Variants in ARFGEF2 observed in about 807,000 individuals in gnomAD.
ARFGEF2 encodes the protein ARF guanine nucleotide exchange factor 2.
In ARFGEF2, 74 loss-of-function variants were observed where a neutral mutation model predicts 219.9. That is an observed-to-expected ratio of 0.34 (90% CI 0.28 to 0.41). The LOEUF (loss-of-function observed/expected upper bound fraction) is 0.41, where lower values mean the gene tolerates loss of function less well. Ranked by LOEUF, ARFGEF2 falls within the 10% of genes least tolerant of loss-of-function variation. The probability of loss-of-function intolerance (pLI) is 1.00; values close to 1 mark genes in which losing one functional copy is unlikely to be tolerated. For synonymous variants in ARFGEF2, 733 were observed against 799.2 expected (o/e 0.92, Z 1.40); for missense variants, 1,743 against 2,218.3 (o/e 0.79, Z 4.30).
chr20:48,925,229 G>C (rs2090869520), intron 1 of ARFGEF2, among the ~76,000 whole-genome samples: 1 of 152,178 alleles, frequency 6.6e-6, no homozygotes, highest in African/African-American at 2.4e-5. Context: ...AGCATAAATA[G>C]GGACTGCCCA....
At chr20:48,968,655 C>T (rs888719566) in intron 8 of ARFGEF2, among the ~76,000 whole-genome samples, 2 of 152,192 alleles carry the variant, frequency 1.3e-5, no homozygotes, top group East Asian at 1.9e-4. Flanking sequence ...AGCCATTCAT[C>T]GCACCTGGCT....
intron 8 of ARFGEF2, among the ~76,000 whole-genome samples, chr20:48,968,777 A>G (rs968609476): frequency 6.6e-6 from 1 of 152,106 alleles, no homozygotes; most frequent in Non-Finnish European, 1.5e-5. Flanking sequence ...TAAACCACCC[A>G]TACCAACTCT....
intron 3 of ARFGEF2, among the ~76,000 whole-genome samples, chr20:48,949,381 C>T (rs929369255): frequency 9.8e-5 from 15 of 152,294 alleles, no homozygotes; most frequent in Non-Finnish European, 2.1e-4. Flanking sequence ...TAAGAACAAG[C>T]AATGTCAAAA....
intron 4 of ARFGEF2, 84 bp downstream of exon 4, chr20:48,951,553 T>C: frequency 6.3e-7 from 1 of 1,579,376 alleles, no homozygotes; most frequent in Non-Finnish European, 8.7e-7. Context: ...TACTATGTGT[T>C]AGTTGTCTCA....
intron 26 of ARFGEF2, among the ~76,000 whole-genome samples, chr20:49,008,256 G>T (rs1239101598): frequency 6.6e-6 from 1 of 152,162 alleles, no homozygotes; most frequent in Admixed American, 6.6e-5. Context: ...ATATTGTTTT[G>T]CTGTTAAAAA....
At chr20:49,005,674 C>CT (rs1229595120) in intron 26 of ARFGEF2, among the ~76,000 whole-genome samples, 1 of 140,154 alleles carries the variant, frequency 7.1e-6, no homozygotes, top group Non-Finnish European at 1.5e-5. Context: ...GGAGGCAGAG[C>CT]TTGCAGTGAG....
intron 2 of ARFGEF2, 98 bp from the exon 3 acceptor site, chr20:48,941,766 A>C: frequency 9.6e-6 from 15 of 1,561,778 alleles, no homozygotes; most frequent in Non-Finnish European, 1.2e-5. Flanking sequence ...TATAGTTTGC[A>C]GGCACTTTAA....
Position 49,010,239 on chromosome 20 carries a change from A to G in ARFGEF2, c.3592A>G (p.Thr1198Ala). The G allele has an allele frequency of 6.2e-7, 1 of 1,613,446 alleles. No individual in the cohort carries two copies. The highest frequency in any genetic ancestry group is 1.3e-5 in the African/African-American group (1 of 75,038). The change falls in exon 27 of 39, where the codon ACC (threonine) becomes GCC (alanine). Residue 1198 changes from threonine (T) to alanine (A), a missense_variant. This residue lies in a region of ARFGEF2 where 102 missense variants were observed against 146.8 expected (regional missense o/e 0.69). Coordinates refer to ENST00000371917, the MANE Select transcript of ARFGEF2 (RefSeq NM_006420.3). ...EHIMKKNRSPTIRDMAIRCIA... is the reference protein window; with the variant it reads ...EHIMKKNRSPAIRDMAIRCIA... ...GTCCCATTCTTTCCTCAGGTCTCCC[A>G]CCATCCGGGACATGGCGATCCGCTG... is the stretch of plus-strand genomic sequence containing the variant.
In ARFGEF2 at chr20:48,937,366, T is replaced by G. The variant is rs532535031; in HGVS notation, c.122-3833T>G. ...ATGCCGTTATCATCTGGGCCCCTACTGGGCCTAGTGGAGAAGACTTTTCAA... is the reference window on the plus strand; with the variant it reads ...ATGCCGTTATCATCTGGGCCCCTACGGGGCCTAGTGGAGAAGACTTTTCAA... On this transcript the variant is annotated intron_variant, in intron 1 of 38. Coordinates refer to ENST00000371917, the MANE Select transcript of ARFGEF2 (RefSeq NM_006420.3). 3.9e-5 allele frequency among the ~76,000 whole-genome samples: 6 copies of G among 152,358 alleles called. No individual in the cohort carries two copies. In the East Asian group the frequency reaches 9.6e-4, roughly 24 times the overall value.
intron 37 of ARFGEF2, among the ~76,000 whole-genome samples, chr20:49,029,738 C>T (rs1451756312): frequency 2.0e-5 from 3 of 151,446 alleles, no homozygotes; most frequent in Admixed American, 6.6e-5. Flanking sequence ...ATTACAGGCG[C>T]GTGCCACCAT....
chr20:49,001,697 C>G (rs774562579), intron 25 of ARFGEF2, among the ~76,000 whole-genome samples: 1 of 152,192 alleles, frequency 6.6e-6, no homozygotes, highest in Non-Finnish European at 1.5e-5. Flanking sequence ...GGCCACCCTC[C>G]CCCACACATC....
At chr20:48,929,566 G>A (rs981360053) in intron 1 of ARFGEF2, among the ~76,000 whole-genome samples, 7 of 152,134 alleles carry the variant, frequency 4.6e-5, no homozygotes, top group African/African-American at 1.2e-4. Flanking sequence ...ATAACAACCC[G>A]AGAAGTACTG....
At chr20:48,994,278 GC>G (rs1332593753) in intron 21 of ARFGEF2, among the ~76,000 whole-genome samples, 172 bp from the exon 22 acceptor site, 1 of 152,152 alleles carries the variant, frequency 6.6e-6, no homozygotes, top group Non-Finnish European at 1.5e-5. Flanking sequence ...GGAATCCGCC[GC>G]CCCAGTCAAA....
At position 48,953,679 on chromosome 20, in the gene ARFGEF2, A is replaced by G; in HGVS notation, c.727A>G (p.Thr243Ala). ...GCACAGTCAGGCACAAAGCAAACCAACAACTCCCGAAAAAACAGATTTAAC... is the reference window on the plus strand; with the variant it reads ...GCACAGTCAGGCACAAAGCAAACCAGCAACTCCCGAAAAAACAGATTTAAC... ...LKHSQAQSKP[T>A]TPEKTDLTNG... The change falls in exon 6 of 39, where the codon ACA (threonine) becomes GCA (alanine). Residue 243 changes from threonine (T) to alanine (A), a missense_variant. Thr to Ala is a moderately conservative substitution (Grantham distance 58, BLOSUM62 0). Around this residue, in one of 5 missense-constraint regions of ARFGEF2, gnomAD observed 394 missense variants for 426.6 expected, o/e 0.92. Coordinates refer to ENST00000371917, the MANE Select transcript of ARFGEF2 (RefSeq NM_006420.3). The G allele has an allele frequency of 1.2e-6, 2 of 1,614,192 alleles. No homozygotes were observed. The highest frequency in any genetic ancestry group is 3.3e-4 in the Middle Eastern group (2 of 6,062).
intron 21 of ARFGEF2, among the ~76,000 whole-genome samples, chr20:48,992,800 T>G (rs1208615527): frequency 1.3e-5 from 2 of 152,186 alleles, no homozygotes; most frequent in East Asian, 1.9e-4. Context: ...CCCAGAACTT[T>G]TGGAGGTTGA....
At chr20:48,922,707 C>CA (rs2090851017) in intron 1 of ARFGEF2, among the ~76,000 whole-genome samples, 1 of 152,246 alleles carries the variant, frequency 6.6e-6, no homozygotes, top group Non-Finnish European at 1.5e-5. Flanking sequence ...AATGGACCCT[C>CA]AGATTATGGA....
chr20:49,028,159 G>T (rs987172788), intron 36 of ARFGEF2, among the ~76,000 whole-genome samples: 3 of 152,200 alleles, frequency 2.0e-5, no homozygotes, highest in African/African-American at 7.2e-5. Context: ...TAGGGAGGCT[G>T]AGGCAGGAGA....
rs2091187441 is a variant in ARFGEF2, at chr20:48,966,440, C to T, written c.1059+417C>T. ...TACTTAAATCCATCTAGATTTTTCT[C>T]CATCTCACGTATTTTTCCACTTAAA... On this transcript the variant is annotated intron_variant, in intron 8 of 38. Coordinates refer to ENST00000371917, the MANE Select transcript of ARFGEF2 (RefSeq NM_006420.3). 2.6e-5 allele frequency among the ~76,000 whole-genome samples: 4 copies of T among 152,182 alleles called. No individual in the cohort carries two copies. In the South Asian group the frequency reaches 8.3e-4, roughly 32 times the overall value.
intron 25 of ARFGEF2, among the ~76,000 whole-genome samples, chr20:49,002,331 G>A (rs1171275334): frequency 6.6e-6 from 1 of 152,164 alleles, no homozygotes; most frequent in African/African-American, 2.4e-5. Context: ...CACTCACATT[G>A]TTGGGCAACA....
Sources: gnomAD v4.1 joint callset for allele counts (sites outside exome capture counted in the v4.1 genomes callset) on GRCh38, gnomAD v4.1.1 for gene constraint, gnomAD v4.1.1 regional missense constraint, MANE v1.5 for transcripts, NCBI Gene and HGNC (gene_info 2026-07-23, HGNC 2026-07-21) for gene names.